The following ZNF135 variants were observed in gnomAD, a reference collection of about 807,000 sequenced individuals.
ZNF135 encodes the protein zinc finger protein 135 (clone pHZ-17).
In ZNF135, 11 loss-of-function variants were observed where a neutral mutation model predicts 12.3. The observed-to-expected ratio is 0.89, with a 90% CI of 0.56 to 1.48. ZNF135 has a LOEUF of 1.48. Ranked by LOEUF, ZNF135 falls within the 40% of genes most tolerant of loss-of-function variation. ZNF135 has a pLI of 0.00. For synonymous variants in ZNF135, 316 were observed against 312.0 expected, an observed-to-expected ratio of 1.01 and a Z score of -0.14; for missense variants, 722 against 815.7, an observed-to-expected ratio of 0.89 and a Z score of 1.40.
Position 58,059,416 on chromosome 19 carries a change from C to T in ZNF135, c.-35+106C>T. 1.0e-6 allele frequency: 1 copy of T among 1,002,048 alleles called. No homozygotes were observed. Among genetic ancestry groups the T allele is most frequent in the Non-Finnish European group, 1.4e-6 (1 of 736,006 alleles). 62.1% of individuals were successfully genotyped at this position (1,002,048 alleles called of 1,614,324 possible). A position where few individuals can be genotyped will look rare whatever the true frequency, so the allele number is the denominator to read the frequency against. ...CTGAGGCCCTGGCGGGGCGAGTTTC[C>T]AGCAGCGCGCGTCTGTGTGGAGTCC... On this transcript the variant is annotated intron_variant, in intron 1 of 4. Coordinates refer to ENST00000313434, the MANE Select transcript of ZNF135 (RefSeq NM_001289401.2). The surrounding 1 kb of genome is among the most constrained non-coding windows in gnomAD (Gnocchi z 6.5).
rs771915891 is a variant in ZNF135, at chr19:58,059,349, C to CCGGGT, written c.-35+43_-35+44insTCGGG. The CCGGGT allele has an allele frequency of 3.6e-6, 4 of 1,105,142 alleles. No homozygotes were observed. The African/African-American group carries it at 5.0e-5, about 14-fold the overall frequency. 68.5% of individuals were successfully genotyped at this position (1,105,142 alleles called of 1,614,324 possible). A position where few individuals can be genotyped will look rare whatever the true frequency, so the allele number is the denominator to read the frequency against. On this transcript the variant is annotated intron_variant, in intron 1 of 4. Transcript: ENST00000313434. This position sits in a 1 kb window ranked among gnomAD's most constrained non-coding sequence, Gnocchi z 6.5. Reference sequence around the variant, plus strand: ...GCGAGGAGGGGGAGGGGAGGCCAGGCCGGGCCGGGCCGGGCCGGGTGCGGG... The same window carrying CCGGGT: ...GCGAGGAGGGGGAGGGGAGGCCAGGCCGGGTCGGGCCGGGCCGGGCCGGGTGCGGG...
At position 58,063,341 on chromosome 19, in the gene ZNF135, G is replaced by A. The variant is rs1599924683; in HGVS notation, c.161-105G>A. On this transcript the variant is annotated intron_variant, in intron 3 of 4. Transcript: ENST00000313434. This position sits in a 1 kb window ranked among gnomAD's most constrained non-coding sequence, Gnocchi z 4.4. ...GGTATGACAGCTGAAGTCACTCAGG[G>A]GTCCCCAGCCATCTGGGACCTGGAA... is the stretch of plus-strand genomic sequence containing the variant. 3.3e-6 allele frequency: 5 copies of A among 1,510,790 alleles called. No homozygotes were observed. The highest frequency in any genetic ancestry group is 2.1e-5 in the Admixed American group (1 of 48,272). The allele number at this position is 1,510,790 out of a possible 1,614,324, so 93.6% of individuals were successfully genotyped here. A position where few individuals can be genotyped will look rare whatever the true frequency, so the allele number is the denominator to read the frequency against.
chr19:58,067,727 T>C lies in ZNF135; in HGVS notation c.1243T>C (p.Cys415Arg). The C allele has an allele frequency of 2.5e-6, 4 of 1,613,882 alleles. No homozygotes were observed. Among genetic ancestry groups the C allele is most frequent in the Non-Finnish European group, 3.4e-6 (4 of 1,179,998 alleles). ...TGEKPYECGE[C>R]GKAFSQSTLL... ...AGAAAAGCCCTATGAGTGTGGTGAG[T>C]GTGGGAAAGCCTTCAGTCAGAGCAC... Residue 415 changes from cysteine to arginine, a missense_variant, in exon 5 of 5, where the codon TGT becomes CGT. Cys to Arg is a radical substitution (Grantham distance 180, BLOSUM62 -3). Coordinates refer to ENST00000313434, the MANE Select transcript of ZNF135 (RefSeq NM_001289401.2).
rs567575970 is a variant in ZNF135, at chr19:58,060,387, G to A, written c.33+352G>A. ...GCCTGCCTCTGAAAGGACCGCCCAC[G>A]CCGCGCTGGAGGTCAGCGGGCACGG... On this transcript the variant is annotated intron_variant, in intron 2 of 4. Coordinates refer to ENST00000313434, the MANE Select transcript of ZNF135 (RefSeq NM_001289401.2). This position sits in a 1 kb window ranked among gnomAD's most constrained non-coding sequence, Gnocchi z 4.9. 4.0e-6 allele frequency: 5 copies of A among 1,237,748 alleles called. No homozygotes were observed. In the South Asian group the frequency reaches 7.1e-5, roughly 18 times the overall value. 76.7% of individuals were successfully genotyped at this position (1,237,748 alleles called of 1,614,324 possible).
intron 3 of ZNF135, among the ~76,000 whole-genome samples, chr19:58,062,064 A>G (rs188562167): frequency 6.6e-6 from 1 of 152,300 alleles, no homozygotes; most frequent in East Asian, 1.9e-4. Flanking sequence ...CTGCTAAAAT[A>G]CCTTAGACTG....
At chr19:58,061,515 C>T in intron 2 of ZNF135, 65 bp from the exon 3 acceptor site, 1 of 1,560,630 alleles carries the variant, frequency 6.4e-7, no homozygotes, top group Non-Finnish European at 8.7e-7. Flanking sequence ...TGGCATTTAC[C>T]AGCTACCCCA....
rs376710476 is a variant in ZNF135 at position 58,067,953 on chromosome 19, G to A, written c.1469G>A (p.Gly490Glu). The A allele has an allele frequency of 6.2e-7, 1 of 1,613,754 alleles. No individual in the cohort carries two copies. Among genetic ancestry groups the A allele is most frequent in the African/African-American group, 1.3e-5 (1 of 74,824 alleles). ...ACCCAACACCAGCGAATCCACACAGGGGAGAAGCCCTATGAATGCAATGAC... is the reference window on the plus strand; with the variant it reads ...ACCCAACACCAGCGAATCCACACAGAGGAGAAGCCCTATGAATGCAATGAC... ...HLTQHQRIHTGEKPYECNDCG... is the reference protein window; with the variant it reads ...HLTQHQRIHTEEKPYECNDCG... The change falls in exon 5 of 5, where the codon GGG becomes GAG. Residue 490 changes from glycine to glutamate, a missense_variant. Gly to Glu is a moderately conservative substitution (Grantham distance 98). Coordinates refer to ENST00000313434, the MANE Select transcript of ZNF135 (RefSeq NM_001289401.2).
rs974473128 is a variant in ZNF135 at position 58,063,031 on chromosome 19, T to G, written c.161-415T>G. 7.9e-5 allele frequency among the ~76,000 whole-genome samples: 12 copies of G among 152,096 alleles called. No individual in the cohort carries two copies. Among genetic ancestry groups the G allele is most frequent in the Admixed American group, 7.2e-4 (11 of 15,264 alleles). Reference sequence around the variant, plus strand: ...CACCAACATTCAGACCATAGCAATCTCTTTCTGGCTTCATTTCCAGAGAGG... The same window carrying G: ...CACCAACATTCAGACCATAGCAATCGCTTTCTGGCTTCATTTCCAGAGAGG... On this transcript the variant is annotated intron_variant, in intron 3 of 4. Transcript: ENST00000313434. The surrounding 1 kb of genome is among the most constrained non-coding windows in gnomAD (Gnocchi z 4.4).
chr19:58,061,456 C>A, intron 2 of ZNF135, 124 bp from the exon 3 acceptor site: 1 of 1,321,854 alleles, frequency 7.6e-7, no homozygotes, highest in Non-Finnish European at 1.0e-6. Context: ...ACAGAAAAAC[C>A]TGACCCAAAA....
Position 58,063,478 on chromosome 19 carries a change from C to G in ZNF135, c.193C>G (p.Leu65Val), listed in dbSNP as rs779229543. ...GTTACCGAAGCCGAATGTCATCTCC[C>G]TGCTGGAGCAAGAGGCAGAGCTGTG... ...HWLPKPNVIS[L>V]LEQEAELWAV... Residue 65 changes from leucine (L) to valine (V), a missense_variant, in exon 4 of 5, where the codon CTG becomes GTG. Transcript: ENST00000313434. This position sits in a 1 kb window ranked among gnomAD's most constrained non-coding sequence, Gnocchi z 4.4. 2.5e-6 allele frequency: 4 copies of G among 1,614,038 alleles called. No individual in the cohort carries two copies. In the African/African-American group the frequency reaches 5.3e-5, roughly 22 times the overall value.
rs954307130 is a variant in ZNF135, at chr19:58,060,448, G to A, written c.33+413G>A. 8.1e-6 allele frequency: 9 copies of A among 1,109,614 alleles called. No homozygotes were observed. Among genetic ancestry groups the A allele is most frequent in the South Asian group, 2.4e-5 (1 of 42,006 alleles). 68.7% of individuals were successfully genotyped at this position (1,109,614 alleles called of 1,614,324 possible). The stretch of plus-strand genomic sequence containing the variant: ...GAGTGGGCTTTATGTTTGTGCGGCC[G>A]TCATTGCATACCTGAGGCTGGGTGA... On this transcript the variant is annotated intron_variant, in intron 2 of 4. Coordinates refer to ENST00000313434, the MANE Select transcript of ZNF135 (RefSeq NM_001289401.2). This position sits in a 1 kb window ranked among gnomAD's most constrained non-coding sequence, Gnocchi z 4.9.
At chr19:58,062,624 C>G (rs910079697) in intron 3 of ZNF135, among the ~76,000 whole-genome samples, 2 of 151,582 alleles carry the variant, frequency 1.3e-5, no homozygotes, top group Non-Finnish European at 2.9e-5. Context: ...ATCTCCTGAC[C>G]TCGTGATGCA....
rs376875178 is a variant in ZNF135 at position 58,067,821 on chromosome 19, C to T, written c.1337C>T (p.Thr446Ile). The T allele has an allele frequency of 1.1e-5, 17 of 1,613,706 alleles. No homozygotes were observed. The African/African-American group carries it at 1.9e-4, about 18-fold the overall frequency. ...TATGGATGCAACGAGTGTGGGAAAA[C>T]CTTCAGCCACAGCTCCTCACTCAGC... is the stretch of plus-strand genomic sequence containing the variant. ...KPYGCNECGK[T>I]FSHSSSLSQH... The change falls in exon 5 of 5, where the codon ACC becomes ATC. Residue 446 changes from threonine to isoleucine, a missense_variant. Transcript: ENST00000313434.
rs115799125 is a variant in ZNF135, at chr19:58,063,055, G to A, written c.161-391G>A. Among the ~76,000 whole-genome samples the A allele has an allele frequency of 1.1e-3, 171 of 152,284 alleles. 1 individual carries two copies. The highest frequency in any genetic ancestry group is 3.9e-3 in the African/African-American group (163 of 41,560). On this transcript the variant is annotated intron_variant, in intron 3 of 4. Coordinates refer to ENST00000313434, the MANE Select transcript of ZNF135 (RefSeq NM_001289401.2). The surrounding 1 kb of genome is among the most constrained non-coding windows in gnomAD (Gnocchi z 4.4). ...CTCTTTCTGGCTTCATTTCCAGAGA[G>A]GCTCCTCTGGAGGTGACAAGACAAC...
Position 58,063,608 on chromosome 19 carries a change from C to T in ZNF135, c.256+67C>T. On this transcript the variant is annotated intron_variant, in intron 4 of 4. Transcript: ENST00000313434. The surrounding 1 kb of genome is among the most constrained non-coding windows in gnomAD (Gnocchi z 4.4). ...GCTTGCTTCCTGGTTTCTCCCTCTGCATCTGCTCTCTAATTCTTCAGAGCA... is the reference window on the plus strand; with the variant it reads ...GCTTGCTTCCTGGTTTCTCCCTCTGTATCTGCTCTCTAATTCTTCAGAGCA... The T allele has an allele frequency of 6.2e-7, 1 of 1,601,458 alleles. No homozygotes were observed. Among genetic ancestry groups the T allele is most frequent in the Non-Finnish European group, 8.5e-7 (1 of 1,173,552 alleles).
At chr19:58,062,308 C>T (rs1248371995) in intron 3 of ZNF135, among the ~76,000 whole-genome samples, 2 of 152,192 alleles carry the variant, frequency 1.3e-5, no homozygotes, top group Non-Finnish European at 2.9e-5. Context: ...CCCAAGGCCC[C>T]ACCTCAACAC....
rs1291333990 is a variant in ZNF135 at position 58,059,680 on chromosome 19, G to A, written c.-34-289G>A. The A allele has an allele frequency of 1.9e-6, 1 of 528,950 alleles. No homozygotes were observed. The highest frequency in any genetic ancestry group is 3.3e-6 in the Non-Finnish European group (1 of 301,988). The allele number at this position is 528,950 out of a possible 1,614,324, so 32.8% of individuals were successfully genotyped here. A position where few individuals can be genotyped will look rare whatever the true frequency, so the allele number is the denominator to read the frequency against. On this transcript the variant is annotated intron_variant, in intron 1 of 4. Coordinates refer to ENST00000313434, the MANE Select transcript of ZNF135 (RefSeq NM_001289401.2). The surrounding 1 kb of genome is among the most constrained non-coding windows in gnomAD (Gnocchi z 6.5). ...CTGAGGCATAGTGCCCAGGGCCAGG[G>A]GACCGCAACCACCCGGCCCTTGTCA...
chr19:58,067,455 A>C lies in ZNF135; in HGVS notation c.971A>C (p.Lys324Thr), dbSNP rs764031640. 36 of 1,614,068 alleles carry C rather than the reference A, an allele frequency of 2.2e-5. No homozygotes were observed. Among genetic ancestry groups the C allele is most frequent in the African/African-American group, 4.0e-5 (3 of 74,930 alleles). Reference protein sequence around the residue: ...SQHERTHTGEKPYECSECGKA... With the variant: ...SQHERTHTGETPYECSECGKA... The stretch of plus-strand genomic sequence containing the variant: ...CACGAGCGAACTCACACAGGCGAGA[A>C]GCCCTACGAGTGCAGTGAGTGTGGG... The change falls in exon 5 of 5, where the codon AAG becomes ACG. Residue 324 changes from lysine (K) to threonine (T), a missense_variant. Lys to Thr is a moderately conservative substitution (Grantham distance 78, BLOSUM62 -1). Coordinates refer to ENST00000313434, the MANE Select transcript of ZNF135 (RefSeq NM_001289401.2).
At position 58,060,353 on chromosome 19, in the gene ZNF135, C is replaced by A. The variant is rs537072399; in HGVS notation, c.33+318C>A. ...CCTCCTAAAGTCCGCGCCAAGCTCC[C>A]CAACCACAGCCTGCCTCTGAAAGGA... On this transcript the variant is annotated intron_variant, in intron 2 of 4. Transcript: ENST00000313434. The surrounding 1 kb of genome is among the most constrained non-coding windows in gnomAD (Gnocchi z 4.9). The A allele has an allele frequency of 7.7e-7, 1 of 1,296,968 alleles. No homozygotes were observed. Among genetic ancestry groups the A allele is most frequent in the African/African-American group, 1.5e-5 (1 of 65,852 alleles). The allele number at this position is 1,296,968 out of a possible 1,614,324, so 80.3% of individuals were successfully genotyped here.
Sources: gnomAD v4.1 joint callset for allele counts (sites outside exome capture counted in the v4.1 genomes callset) on GRCh38, gnomAD v4.1.1 for gene constraint, Gnocchi (gnomAD v3.1) non-coding constraint, MANE v1.5 for transcripts, NCBI Gene and HGNC (gene_info 2026-07-23, HGNC 2026-07-21) for gene names.